Variants in VPS13B observed in about 807,000 individuals in gnomAD.
VPS13B encodes vacuolar protein sorting 13 homolog B.
Under a neutral mutation model 426.4 loss-of-function variants are expected in VPS13B, and 285 were observed. The observed-to-expected ratio is 0.67, with a 90% CI of 0.61 to 0.74. VPS13B has a LOEUF of 0.74. VPS13B is among the 30% of genes least tolerant of loss of function. The probability of loss-of-function intolerance (pLI) is 0.00; values close to 1 mark genes in which losing one functional copy is unlikely to be tolerated. For synonymous variants in VPS13B, 1,676 were observed against 1,676.4 expected (o/e 1.00, Z 0.01); for missense variants, 4,537 against 4,782.6 (o/e 0.95, Z 1.51).
chr8:99,530,953 C>G (rs141704045), intron 30 of VPS13B, among the ~76,000 whole-genome samples: 4 of 152,174 alleles, frequency 2.6e-5, no homozygotes, highest in African/African-American at 9.6e-5. Context: ...GTAGTTTAAC[C>G]AAGTTATTTA....
At chr8:99,836,975 T>A (rs1450083709) in intron 54 of VPS13B, among the ~76,000 whole-genome samples, 1 of 152,236 alleles carries the variant, frequency 6.6e-6, no homozygotes, top group Non-Finnish European at 1.5e-5. Context: ...TTTGCCAGAC[T>A]GCAAAGCCGG....
chr8:99,523,643 C>T (rs1028133698), intron 30 of VPS13B, among the ~76,000 whole-genome samples: 1 of 152,200 alleles, frequency 6.6e-6, no homozygotes, highest in Admixed American at 6.5e-5. Flanking sequence ...CTGTACAAGT[C>T]TGCAAGAGCC....
chr8:99,520,020 C>T (rs1822290132), intron 29 of VPS13B, among the ~76,000 whole-genome samples: 1 of 152,128 alleles, frequency 6.6e-6, no homozygotes, highest in Non-Finnish European at 1.5e-5. Context: ...TTAGAAAAGA[C>T]ATTGAATTCA....
chr8:99,544,121 T>G (rs1205391776), intron 30 of VPS13B, among the ~76,000 whole-genome samples: 4 of 151,584 alleles, frequency 2.6e-5, no homozygotes, highest in African/African-American at 9.7e-5. Context: ...CACCATGGAA[T>G]ACTATGCAGC....
At position 99,641,974 on chromosome 8, in the gene VPS13B, C is replaced by T. The variant is rs1287872336; in HGVS notation, c.5384C>T (p.Ala1795Val). The T allele has an allele frequency of 7.4e-6, 12 of 1,614,102 alleles. No individual in the cohort carries two copies. The highest frequency in any genetic ancestry group is 1.3e-5 in the African/African-American group (1 of 75,026). The change falls in exon 34 of 62, where the codon GCC (alanine) becomes GTC (valine). Residue 1795 changes from alanine to valine, a missense_variant. Transcript: ENST00000357162. ...AGTGGTGCCAGTCAGCATCGCATTG[C>T]CCGTCCCTCACGCCAGTCATCAATT... ...QHSGASQHRI[A>V]RPSRQSSIVK...
Position 99,104,582 on chromosome 8 carries a change from T to C in VPS13B, c.580+1462T>C, listed in dbSNP as rs1178881480. Among the ~76,000 whole-genome samples, 3 of 137,868 alleles carry C rather than the reference T, an allele frequency of 2.2e-5. No individual in the cohort carries two copies. In the Admixed American group the frequency reaches 2.2e-4, roughly 10 times the overall value. The allele number at this position is 137,868 out of a possible 152,430, so 90.4% of individuals were successfully genotyped here. A position where few individuals can be genotyped will look rare whatever the true frequency, so the allele number is the denominator to read the frequency against. Reference sequence around the variant, plus strand: ...CGTCCCCCCTCCCCTCTCCCTTTCATCCTCCCTTCCCTTTCCTTGCTTCTC... The same window carrying C: ...CGTCCCCCCTCCCCTCTCCCTTTCACCCTCCCTTCCCTTTCCTTGCTTCTC... On this transcript the variant is annotated intron_variant, in intron 5 of 61. Coordinates refer to ENST00000357162, the MANE Select transcript of VPS13B (RefSeq NM_152564.5).
intron 19 of VPS13B, chr8:99,347,842 T>C (rs1811624073): frequency 6.6e-6 from 1 of 152,302 alleles, no homozygotes; most frequent in South Asian, 2.1e-4. Flanking sequence ...AGGTCCATCT[T>C]CTAAAAGCCC....
chr8:99,129,013 C>G (rs190731780), intron 8 of VPS13B, among the ~76,000 whole-genome samples: 4 of 151,922 alleles, frequency 2.6e-5, no homozygotes, highest in African/African-American at 9.6e-5. Context: ...AAAGACTTTT[C>G]TACTTAAGAT....
At chr8:99,297,123 A>G (rs1481964241) in intron 19 of VPS13B, among the ~76,000 whole-genome samples, 1 of 152,152 alleles carries the variant, frequency 6.6e-6, no homozygotes. Context: ...ATGTAAAATG[A>G]AAGTAAGGTT....
At position 99,854,388 on chromosome 8, in the gene VPS13B, A is replaced by G. The variant is rs575669961; in HGVS notation, c.10867+132A>G. On this transcript the variant is annotated intron_variant, in intron 56 of 61. Transcript: ENST00000357162. ...TGACACACCTGAGCTCTACAGTTAC[A>G]CAGAACTGGATCTAAATCTAGAGCC... The G allele has an allele frequency of 1.7e-5, 18 of 1,038,770 alleles. No individual in the cohort carries two copies. In the African/African-American group the frequency reaches 2.4e-4, roughly 14 times the overall value. 64.3% of individuals were successfully genotyped at this position (1,038,770 alleles called of 1,614,324 possible).
At chr8:99,021,861 C>T (rs942786714) in intron 2 of VPS13B, among the ~76,000 whole-genome samples, 1 of 152,132 alleles carries the variant, frequency 6.6e-6, no homozygotes, top group Admixed American at 6.5e-5. Context: ...GATCTTCCAA[C>T]CTCAGCCTCC....
chr8:99,741,398 A>G (rs1330604817), intron 39 of VPS13B, among the ~76,000 whole-genome samples: 1 of 152,212 alleles, frequency 6.6e-6, no homozygotes, highest in Admixed American at 6.5e-5. Flanking sequence ...CCCCACTGTC[A>G]ACATTAGACA....
chr8:99,788,856 T>A (rs959783688), intron 43 of VPS13B, among the ~76,000 whole-genome samples: 1 of 152,200 alleles, frequency 6.6e-6, no homozygotes, highest in Non-Finnish European at 1.5e-5. Context: ...ACTTCTCAGT[T>A]GATCAAATTC....
At chr8:99,577,863 C>T in intron 33 of VPS13B, 1 of 539,176 alleles carries the variant, frequency 1.9e-6, no homozygotes, top group Non-Finnish European at 3.3e-6. Flanking sequence ...GTGGACTGAC[C>T]TCAGAGGAAC....
At chr8:99,688,782 A>G (rs914214315) in intron 35 of VPS13B, among the ~76,000 whole-genome samples, 5 of 152,188 alleles carry the variant, frequency 3.3e-5, no homozygotes, top group East Asian at 1.9e-4. Context: ...TATGTAATGT[A>G]TATACATGGG....
At chr8:99,038,064 CTGAG>C (rs1362905934) in intron 2 of VPS13B, among the ~76,000 whole-genome samples, 1 of 151,968 alleles carries the variant, frequency 6.6e-6, no homozygotes, top group Non-Finnish European at 1.5e-5. Flanking sequence ...TCATCATGTA[CTGAG>C]TATTATATAT....
chr8:99,416,319 A>G (rs2133370343), intron 21 of VPS13B, among the ~76,000 whole-genome samples: 1 of 152,342 alleles, frequency 6.6e-6, no homozygotes, highest in African/African-American at 2.4e-5. Context: ...CCTGGCAGTA[A>G]GAATTTCAAG....
chr8:99,690,953 C>A (rs1447047018), intron 35 of VPS13B, among the ~76,000 whole-genome samples: 1 of 152,142 alleles, frequency 6.6e-6, no homozygotes, highest in East Asian at 1.9e-4. Context: ...AAACTGGAAA[C>A]AACCCAAATG....
At chr8:99,319,985 G>C (rs541790050) in intron 19 of VPS13B, among the ~76,000 whole-genome samples, 1 of 152,036 alleles carries the variant, frequency 6.6e-6, no homozygotes. Flanking sequence ...GCTTACTCTT[G>C]TTATTTAACT....
Sources: allele counts gnomAD v4.1 joint callset (sites outside exome capture counted in the v4.1 genomes callset), GRCh38; gene constraint gnomAD v4.1.1; transcripts MANE v1.5; gene names NCBI Gene and HGNC (gene_info 2026-07-23, HGNC 2026-07-21).